The following DPP10 variants were observed in gnomAD, a reference collection of about 807,000 sequenced individuals.
DPP10 encodes dipeptidyl peptidase like 10, also known as inactive dipeptidyl peptidase 10.
A neutral mutation model predicts 120.9 loss-of-function variants in DPP10; 33 were observed. The ratio of observed to expected loss-of-function variants is 0.27; its 90% CI spans 0.21 to 0.37. The LOEUF is 0.37. Ranked by LOEUF, DPP10 falls within the 10% of genes least tolerant of loss-of-function variation. DPP10 has a pLI of 1.00. For synonymous variants in DPP10, 337 were observed against 326.1 expected (o/e 1.03, Z -0.36); for missense variants, 816 against 942.8 (o/e 0.87, Z 1.76).
chr2:114,669,548 T>C (rs1257046282), intron 1 of DPP10, among the ~76,000 whole-genome samples: 1 of 152,172 alleles, frequency 6.6e-6, no homozygotes, highest in Non-Finnish European at 1.5e-5. Flanking sequence ...CAGTATTGAA[T>C]TGATGGCACC....
chr2:115,651,740 G>A (rs1405822603), intron 5 of DPP10, among the ~76,000 whole-genome samples: 1 of 151,996 alleles, frequency 6.6e-6, no homozygotes, highest in Non-Finnish European at 1.5e-5. Flanking sequence ...ATATTCTCTA[G>A]CTTCCGTTTA....
At chr2:114,478,733 T>C (rs1680746583) in intron 1 of DPP10, among the ~76,000 whole-genome samples, 1 of 152,092 alleles carries the variant, frequency 6.6e-6, no homozygotes, top group Non-Finnish European at 1.5e-5. Context: ...CAAAAAATCA[T>C]AGGATGCAAG....
At chr2:115,666,537 T>G (rs77501574) in intron 5 of DPP10, among the ~76,000 whole-genome samples, 5,332 of 152,148 alleles carry the variant, frequency 0.035, 237 homozygotes, top group South Asian at 0.099. Flanking sequence ...GCCAAACATA[T>G]CAAAGGTTAT....
chr2:114,522,913 A>C (rs1360661823), intron 1 of DPP10, among the ~76,000 whole-genome samples: 1 of 152,204 alleles, frequency 6.6e-6, no homozygotes, highest in East Asian at 1.9e-4. Flanking sequence ...TGAGAACAGC[A>C]TGGAAAAAAC....
intron 1 of DPP10, among the ~76,000 whole-genome samples, chr2:114,496,649 G>A (rs1682544347): frequency 6.6e-6 from 1 of 152,040 alleles, no homozygotes; most frequent in African/African-American, 2.4e-5. Context: ...TCACCTTGGA[G>A]GGTTTTGAAC....
intron 1 of DPP10, among the ~76,000 whole-genome samples, chr2:114,568,909 A>G (rs910481331): frequency 6.6e-6 from 1 of 152,204 alleles, no homozygotes; most frequent in African/African-American, 2.4e-5. Flanking sequence ...AGTCCAGAAC[A>G]AAGCTACAAT....
At chr2:115,701,962 C>T (rs1215081602) in intron 7 of DPP10, among the ~76,000 whole-genome samples, 4 of 152,036 alleles carry the variant, frequency 2.6e-5, no homozygotes, top group South Asian at 4.1e-4. Context: ...TGATATAATT[C>T]CATCGCAGTA....
intron 5 of DPP10, among the ~76,000 whole-genome samples, chr2:115,652,982 T>C (rs1205729519): frequency 6.6e-6 from 1 of 152,004 alleles, no homozygotes. Context: ...CGAAATTGTT[T>C]ACAAATGAAT....
chr2:114,662,511 C>T (rs1419188119), intron 1 of DPP10, among the ~76,000 whole-genome samples: 1 of 152,074 alleles, frequency 6.6e-6, no homozygotes, highest in East Asian at 1.9e-4. Context: ...GTGTCAGACC[C>T]GCGACCACTA....
At chr2:115,828,592 C>T (rs1457593588) in intron 21 of DPP10, among the ~76,000 whole-genome samples, 1 of 151,820 alleles carries the variant, frequency 6.6e-6, no homozygotes, top group Non-Finnish European at 1.5e-5. Flanking sequence ...TCAGATAGTT[C>T]TGCTATGCCT....
At chr2:114,773,098 G>A (rs1406406281) in intron 1 of DPP10, among the ~76,000 whole-genome samples, 1 of 152,064 alleles carries the variant, frequency 6.6e-6, no homozygotes, top group African/African-American at 2.4e-5. Flanking sequence ...AGAACATCTG[G>A]TAGAAGAAGC....
intron 13 of DPP10, among the ~76,000 whole-genome samples, chr2:115,775,830 G>A (rs1052063512): frequency 5.9e-5 from 9 of 151,916 alleles, no homozygotes; most frequent in Non-Finnish European, 1.2e-4. Context: ...GAACAGAAAT[G>A]CAAAATTTAC....
At chr2:114,653,020 G>A (rs1185359269) in intron 1 of DPP10, among the ~76,000 whole-genome samples, 49 of 139,630 alleles carry the variant, frequency 3.5e-4, no homozygotes, top group African/African-American at 1.3e-3. Context: ...AAGAGAGAGA[G>A]AGAGAGAGTG....
chr2:115,728,549 G>A (rs1293027625), intron 8 of DPP10, among the ~76,000 whole-genome samples: 2 of 152,120 alleles, frequency 1.3e-5, no homozygotes, highest in Non-Finnish European at 2.9e-5. Flanking sequence ...AAGACTCAAA[G>A]TATGAGTTTA....
intron 1 of DPP10, among the ~76,000 whole-genome samples, chr2:114,884,024 T>C (rs568600616): frequency 7.8e-5 from 6 of 77,240 alleles, no homozygotes; most frequent in Non-Finnish European, 1.0e-4. Context: ...TCTAGAATAC[T>C]AGTTTAATTT....
intron 3 of DPP10, among the ~76,000 whole-genome samples, chr2:115,409,055 C>A (rs1261221832): frequency 6.6e-6 from 1 of 151,840 alleles, no homozygotes; most frequent in Non-Finnish European, 1.5e-5. Context: ...AAAAAAAATA[C>A]TGATAGACTT....
At chr2:114,808,416 A>G (rs888913977) in intron 1 of DPP10, among the ~76,000 whole-genome samples, 3 of 152,182 alleles carry the variant, frequency 2.0e-5, no homozygotes, top group African/African-American at 4.8e-5. Flanking sequence ...GTTTTAGAGT[A>G]TGCAATATTC....
intron 5 of DPP10, among the ~76,000 whole-genome samples, chr2:115,656,021 TAATA>T (rs1021168122): frequency 1.3e-4 from 20 of 151,600 alleles, no homozygotes; most frequent in African/African-American, 4.6e-4. Flanking sequence ...CTGTTATGCA[TAATA>T]AATAAGTTCT....
At chr2:115,780,807 GAACACCACACATTC>G in intron 15 of DPP10, 53 bp from the exon 16 acceptor site, 1 of 1,426,748 alleles carries the variant, frequency 7.0e-7, no homozygotes, top group Non-Finnish European at 9.5e-7. Flanking sequence ...ATTTAAATAT[GAACACCACACATTC>G]AAGTGCCTAG....
Sources: gnomAD v4.1 joint callset for allele counts (sites outside exome capture counted in the v4.1 genomes callset) on GRCh38, gnomAD v4.1.1 for gene constraint, MANE v1.5 for transcripts, NCBI Gene and HGNC (gene_info 2026-07-23, HGNC 2026-07-21) for gene names.